The following NSMCE2 variants were observed in gnomAD, a reference collection of about 807,000 sequenced individuals.
NSMCE2 encodes the protein NSE2 SUMO ligase component of SMC5/6 complex.
NSMCE2 carries 24 observed loss-of-function variants against 23.8 expected under a neutral mutation model. That is an observed-to-expected ratio of 1.01 (90% confidence interval 0.73 to 1.42). NSMCE2 has a LOEUF of 1.42. Ranked by LOEUF, NSMCE2 falls within the 40% of genes most tolerant of loss-of-function variation. The pLI, the probability that NSMCE2 is intolerant of heterozygous loss-of-function variation, is 0.00. For synonymous variants in NSMCE2, 92 were observed against 94.1 expected (o/e 0.98, Z 0.13); for missense variants, 284 against 296.5 (o/e 0.96, Z 0.31).
In NSMCE2 at chr8:125,223,045, G is replaced by C. The variant is rs1316488643; in HGVS notation, c.418+40789G>C. The stretch of plus-strand genomic sequence containing the variant: ...CCAGTGCACTCCAGCCTGGGCAACA[G>C]AGTGAGACCCTGTCTCAAAAATAAA... On this transcript the variant is annotated intron_variant, in intron 5 of 7. Coordinates refer to ENST00000287437, the MANE Select transcript of NSMCE2 (RefSeq NM_173685.4). Among the ~76,000 whole-genome samples, 12 of 151,460 alleles carry C rather than the reference G, an allele frequency of 7.9e-5. No individual in the cohort carries two copies. The East Asian group carries it at 1.9e-3, about 24-fold the overall frequency.
chr8:125,202,965 A>C (rs970816534), intron 5 of NSMCE2, among the ~76,000 whole-genome samples: 1 of 152,214 alleles, frequency 6.6e-6, no homozygotes, highest in African/African-American at 2.4e-5. Context: ...CCTTTTCTTG[A>C]TAGGAAGACA....
chr8:125,303,275 G>A (rs138141220), intron 5 of NSMCE2, among the ~76,000 whole-genome samples: 26 of 152,296 alleles, frequency 1.7e-4, no homozygotes, highest in Middle Eastern at 3.4e-3. Flanking sequence ...GTTCTCAACT[G>A]AATGGACACA....
chr8:125,298,336 C>A (rs1828410480), intron 5 of NSMCE2, among the ~76,000 whole-genome samples: 2 of 152,208 alleles, frequency 1.3e-5, no homozygotes, highest in Non-Finnish European at 2.9e-5. Context: ...ACTCATTGAT[C>A]CTGACCACAG....
At chr8:125,132,998 C>T (rs1274232567) in intron 3 of NSMCE2, among the ~76,000 whole-genome samples, 1 of 152,300 alleles carries the variant, frequency 6.6e-6, no homozygotes, top group Admixed American at 6.5e-5. Context: ...AAGTTATTAA[C>T]TCAAAGTCTC....
intron 5 of NSMCE2, among the ~76,000 whole-genome samples, chr8:125,273,855 G>A (rs1028673188): frequency 2.0e-5 from 3 of 152,158 alleles, no homozygotes; most frequent in Non-Finnish European, 2.9e-5. Context: ...ATAAATGTTA[G>A]AGTCCCAGGA....
intron 5 of NSMCE2, among the ~76,000 whole-genome samples, chr8:125,186,276 G>A: frequency 6.6e-6 from 1 of 152,178 alleles, no homozygotes; most frequent in East Asian, 1.9e-4. Context: ...GCAGGGTTGA[G>A]TGAGTGCATC....
intron 5 of NSMCE2, among the ~76,000 whole-genome samples, chr8:125,333,201 G>A (rs1384279870): frequency 6.6e-6 from 1 of 151,166 alleles, no homozygotes; most frequent in African/African-American, 2.4e-5. Flanking sequence ...ACAGAGTCTC[G>A]CTCTGTCGCC....
chr8:125,166,379 G>A (rs185077340), intron 4 of NSMCE2, among the ~76,000 whole-genome samples: 83 of 152,108 alleles, frequency 5.5e-4, no homozygotes, highest in African/African-American at 1.9e-3. Context: ...AGATTCTTGC[G>A]CCTCAGCCTC....
chr8:125,115,206 T>C (rs991568744), intron 3 of NSMCE2, among the ~76,000 whole-genome samples: 2 of 152,138 alleles, frequency 1.3e-5, no homozygotes, highest in Non-Finnish European at 2.9e-5. Context: ...ACTCCACCCA[T>C]GGAAATGGGC....
intron 5 of NSMCE2, among the ~76,000 whole-genome samples, chr8:125,349,518 G>A (rs1812939781): frequency 6.6e-6 from 1 of 151,920 alleles, no homozygotes; most frequent in African/African-American, 2.4e-5. Flanking sequence ...GAAGGCCAAG[G>A]TGGAAGGATC....
intron 5 of NSMCE2, among the ~76,000 whole-genome samples, chr8:125,216,348 TG>T (rs1299253898): frequency 1.3e-5 from 2 of 152,178 alleles, no homozygotes; most frequent in African/African-American, 4.8e-5. Flanking sequence ...CTGAATCAAA[TG>T]ATCTGTGGGT....
intron 5 of NSMCE2, among the ~76,000 whole-genome samples, chr8:125,286,320 T>A (rs202062678): frequency 0.52 from 77,559 of 150,252 alleles, 22,077 homozygotes; most frequent in Non-Finnish European, 0.63. Context: ...TATTTATTTT[T>A]TTTTTTTTTT....
chr8:125,241,612 T>A (rs1322085052), intron 5 of NSMCE2, among the ~76,000 whole-genome samples: 1 of 152,216 alleles, frequency 6.6e-6, no homozygotes, highest in East Asian at 1.9e-4. Context: ...TAATAAGAAT[T>A]GATCTGTAAC....
At chr8:125,148,352 C>A (rs915982799) in intron 3 of NSMCE2, among the ~76,000 whole-genome samples, 1 of 152,158 alleles carries the variant, frequency 6.6e-6, no homozygotes, top group Non-Finnish European at 1.5e-5. Flanking sequence ...ATATATGGGA[C>A]CCTGTTAATG....
intron 1 of NSMCE2, among the ~76,000 whole-genome samples, chr8:125,100,123 G>A (rs1563649090): frequency 6.6e-6 from 1 of 151,968 alleles, no homozygotes; most frequent in Non-Finnish European, 1.5e-5. Context: ...GGTAAGCGGT[G>A]GGAGCTTGCA....
rs1432418785 is a variant in NSMCE2, at chr8:125,254,223, G to T, written c.418+71967G>T. Among the ~76,000 whole-genome samples the T allele has an allele frequency of 4.6e-5, 7 of 152,220 alleles. No individual in the cohort carries two copies. In the East Asian group the frequency reaches 1.2e-3, roughly 25 times the overall value. On this transcript the variant is annotated intron_variant, in intron 5 of 7. Transcript: ENST00000287437. The stretch of plus-strand genomic sequence containing the variant: ...ACTCTGTGTTTCAGTCGTGTTTGAA[G>T]ATGTCTAAAAACAAAAGTCTTTTGC...
intron 3 of NSMCE2, among the ~76,000 whole-genome samples, chr8:125,113,541 A>T (rs1210200857): frequency 6.6e-6 from 1 of 152,234 alleles, no homozygotes; most frequent in East Asian, 1.9e-4. Flanking sequence ...TATGAGAAAT[A>T]CATTTCTGGG....
chr8:125,229,320 C>T (rs915755101), intron 5 of NSMCE2, among the ~76,000 whole-genome samples: 5 of 152,132 alleles, frequency 3.3e-5, no homozygotes, highest in Admixed American at 6.6e-5. Context: ...ACATTAGATT[C>T]GTAGTCTCAA....
chr8:125,229,374 G>T (rs1825227294), intron 5 of NSMCE2, among the ~76,000 whole-genome samples: 1 of 152,060 alleles, frequency 6.6e-6, no homozygotes, highest in Non-Finnish European at 1.5e-5. Context: ...ATATTTTTGA[G>T]CATGTATCCC....
Sources: allele counts gnomAD v4.1 joint callset (sites outside exome capture counted in the v4.1 genomes callset), GRCh38; gene constraint gnomAD v4.1.1; transcripts MANE v1.5; gene names NCBI Gene and HGNC (gene_info 2026-07-23, HGNC 2026-07-21).